Variants in CA5A observed in about 807,000 individuals in gnomAD.
CA5A encodes the protein carbonic anhydrase 5A.
CA5A carries 28 observed loss-of-function variants against 37.1 expected under a neutral mutation model. The ratio of observed to expected loss-of-function variants is 0.75; its 90% CI spans 0.56 to 1.03. The LOEUF is 1.03. CA5A is among the 50% of genes least tolerant of loss of function. The pLI, the probability that CA5A is intolerant of heterozygous loss-of-function variation, is 0.00. For synonymous variants in CA5A, 171 were observed against 158.4 expected (o/e 1.08, Z -0.60); for missense variants, 444 against 399.9 (o/e 1.11, Z -0.94).
chr16:87,896,257 C>T (rs1008125470), intron 5 of CA5A, among the ~76,000 whole-genome samples: 1 of 152,210 alleles, frequency 6.6e-6, no homozygotes. Flanking sequence ...AGGAATCAGT[C>T]AGGGGAGTGG....
chr16:87,894,558 A>G (rs567340038), intron 5 of CA5A, among the ~76,000 whole-genome samples: 1 of 148,214 alleles, frequency 6.7e-6, no homozygotes, highest in East Asian at 2.0e-4. Context: ...TCACGTTTAT[A>G]ATTATCCAGT....
At chr16:87,931,188 T>C (rs1479203562) in intron 1 of CA5A, among the ~76,000 whole-genome samples, 38 of 151,478 alleles carry the variant, frequency 2.5e-4, no homozygotes, top group Non-Finnish European at 1.5e-5. Flanking sequence ...CTCAGTTCAC[T>C]GCAACCTCCG....
chr16:87,902,963 C>G (rs917217582), intron 3 of CA5A, among the ~76,000 whole-genome samples: 9 of 151,714 alleles, frequency 5.9e-5, no homozygotes, highest in African/African-American at 2.2e-4. Context: ...AGTAAGATCC[C>G]AGCACCAGCA....
chr16:87,915,995 C>T (rs1228896903), intron 2 of CA5A, among the ~76,000 whole-genome samples: 2 of 151,672 alleles, frequency 1.3e-5, no homozygotes, highest in South Asian at 2.1e-4. Context: ...CGGCAGAAGG[C>T]GAAAGGCAGG....
chr16:87,909,097 C>T (rs1011398326), intron 2 of CA5A, among the ~76,000 whole-genome samples: 19 of 151,794 alleles, frequency 1.3e-4, no homozygotes, highest in South Asian at 6.2e-4. Context: ...TCCCAAAGTG[C>T]TGGGATTACA....
At chr16:87,895,976 T>C (rs2055796577) in intron 5 of CA5A, among the ~76,000 whole-genome samples, 1 of 152,020 alleles carries the variant, frequency 6.6e-6, no homozygotes, top group Non-Finnish European at 1.5e-5. Flanking sequence ...CAGTGAGACA[T>C]CAGTCTGGTG....
Position 87,924,148 on chromosome 16 carries a change from C to T in CA5A, c.340+2600G>A, listed in dbSNP as rs1047790497. 9.1e-6 allele frequency: 9 copies of T among 985,316 alleles called. No individual in the cohort carries two copies. In the African/African-American group the frequency reaches 1.6e-4, roughly 17 times the overall value. 61.0% of individuals were successfully genotyped at this position (985,316 alleles called of 1,614,324 possible). A position where few individuals can be genotyped will look rare whatever the true frequency, so the allele number is the denominator to read the frequency against. On this transcript the variant is annotated intron_variant, in intron 2 of 6. Transcript: ENST00000649794. ...TCCCAAGATCTGGTTGTCCCACTTT[C>T]CCTCTTCTTCTCCGAGCTGGTCTTG...
intron 2 of CA5A, among the ~76,000 whole-genome samples, chr16:87,908,536 A>G (rs564909497): frequency 1.2e-4 from 18 of 152,212 alleles, no homozygotes; most frequent in Admixed American, 4.6e-4. Flanking sequence ...TGCATGAGGC[A>G]TAAGTCCACT....
In CA5A at chr16:87,888,130, T is replaced by C. The variant is rs1377636661; in HGVS notation, c.917A>G (p.Ter306TrpextTer3). 14 of 1,611,364 alleles carry C rather than the reference T, an allele frequency of 8.7e-6. No homozygotes were observed. The African/African-American group carries it at 1.1e-4, about 12-fold the overall frequency. The change falls in exon 7 of 7, where the codon TAG becomes TGG. Residue 306 changes from the stop codon to tryptophan (W), a stop_lost. Coordinates refer to ENST00000649794, the MANE Select transcript of CA5A (RefSeq NM_001739.2). Reference sequence around the variant, plus strand: ...GCTATTCATGTGGACCTAATGTCTCTAGGACCTTGTGCCCTCATTAGTGGC... The same window carrying C: ...GCTATTCATGTGGACCTAATGTCTCCAGGACCTTGTGCCCTCATTAGTGGC... The part of the protein sequence containing the change: ...FQATNEGTRS[*>W]
intron 2 of CA5A, among the ~76,000 whole-genome samples, chr16:87,916,638 A>C (rs993735920): frequency 2.0e-5 from 3 of 152,222 alleles, no homozygotes; most frequent in African/African-American, 7.2e-5. Flanking sequence ...TGTGTAGAGA[A>C]GTACCTATTT....
intron 2 of CA5A, among the ~76,000 whole-genome samples, chr16:87,917,705 ACACACACATGAACACGTGC>A (rs2056169891): frequency 4.8e-5 from 3 of 62,880 alleles, no homozygotes; most frequent in Admixed American, 1.4e-4. Context: ...CCGCACACGA[ACACACACATGAACACGTGC>A]ACACACACAT....
At chr16:87,892,655 A>G (rs1258613505) in intron 5 of CA5A, among the ~76,000 whole-genome samples, 1 of 149,514 alleles carries the variant, frequency 6.7e-6, no homozygotes, top group Non-Finnish European at 1.5e-5. Flanking sequence ...TACATAACAT[A>G]AAATTTACCA....
At chr16:87,893,030 T>G in intron 5 of CA5A, 1 of 1,231,492 alleles carries the variant, frequency 8.1e-7, no homozygotes, top group Non-Finnish European at 1.2e-6. Flanking sequence ...CAGACAAGAA[T>G]GTGCCCAACC....
At chr16:87,906,975 G>T (rs972853306) in intron 2 of CA5A, among the ~76,000 whole-genome samples, 1 of 152,108 alleles carries the variant, frequency 6.6e-6, no homozygotes, top group African/African-American at 2.4e-5. Flanking sequence ...CTAGCACTTT[G>T]GGAGGCCAAG....
At chr16:87,893,685 G>A (rs112207505) in intron 5 of CA5A, 20,579 of 543,902 alleles carry the variant, frequency 0.038, 604 homozygotes, top group Admixed American at 0.073. Flanking sequence ...GTCAGCAACC[G>A]AATTCCAGTT....
intron 1 of CA5A, among the ~76,000 whole-genome samples, chr16:87,930,126 G>A (rs1004186108): frequency 1.3e-5 from 2 of 152,222 alleles, no homozygotes; most frequent in East Asian, 3.9e-4. Context: ...CATCTGCTAG[G>A]GGTCTGCTGT....
chr16:87,891,534 A>G (rs2055713214), intron 6 of CA5A, among the ~76,000 whole-genome samples: 1 of 151,822 alleles, frequency 6.6e-6, no homozygotes, highest in African/African-American at 2.4e-5. Context: ...TGACCCTGGG[A>G]CAACTCCCAT....
intron 3 of CA5A, among the ~76,000 whole-genome samples, chr16:87,904,172 T>A (rs562650704): frequency 1.3e-5 from 2 of 151,842 alleles, no homozygotes; most frequent in Non-Finnish European, 2.9e-5. Flanking sequence ...CGAAACCCCA[T>A]CTCTACTAAA....
intron 1 of CA5A, among the ~76,000 whole-genome samples, chr16:87,932,472 C>G (rs1212285992): frequency 6.6e-6 from 1 of 152,192 alleles, no homozygotes; most frequent in Non-Finnish European, 1.5e-5. Context: ...GGGCTCATTG[C>G]CACCTGCACG....
Sources: allele counts gnomAD v4.1 joint callset (sites outside exome capture counted in the v4.1 genomes callset), GRCh38; gene constraint gnomAD v4.1.1; transcripts MANE v1.5; gene names NCBI Gene and HGNC (gene_info 2026-07-23, HGNC 2026-07-21).